Variants in THSD4 observed in about 807,000 individuals in gnomAD.
THSD4 encodes thrombospondin type-1 domain-containing protein 4.
THSD4 carries 69 observed loss-of-function variants against 119.0 expected under a neutral mutation model. That is an observed-to-expected ratio of 0.58 (90% CI 0.48 to 0.71). THSD4 has a LOEUF of 0.71. Among genes scored for constraint, THSD4 ranks in the 30% least tolerant of loss-of-function variants. The probability of loss-of-function intolerance (pLI) is 0.00; values close to 1 mark genes in which losing one functional copy is unlikely to be tolerated. For synonymous variants in THSD4, 524 were observed against 540.4 expected (o/e 0.97, Z 0.42); for missense variants, 1,393 against 1,391.1 (o/e 1.00, Z -0.02).
intron 8 of THSD4, among the ~76,000 whole-genome samples, chr15:71,663,004 T>C (rs1039309481): frequency 6.6e-6 from 1 of 152,100 alleles, no homozygotes; most frequent in African/African-American, 2.4e-5. Flanking sequence ...AGCCCAGCGC[T>C]GTGGGAGGCC....
intron 7 of THSD4, among the ~76,000 whole-genome samples, chr15:71,434,707 A>T (rs997017991): frequency 1.3e-5 from 2 of 152,126 alleles, no homozygotes; most frequent in African/African-American, 4.8e-5. Flanking sequence ...AAGAGAACGG[A>T]GAAGCTTAAA....
chr15:71,138,571 C>A (rs1455664496), intron 1 of THSD4, among the ~76,000 whole-genome samples: 5 of 152,126 alleles, frequency 3.3e-5, no homozygotes, highest in Admixed American at 3.3e-4. Context: ...ACAGTCAGCT[C>A]TTCCCACCTT....
intron 8 of THSD4, among the ~76,000 whole-genome samples, chr15:71,708,715 T>G (rs1295689651): frequency 1.3e-5 from 2 of 152,176 alleles, no homozygotes; most frequent in Non-Finnish European, 2.9e-5. Flanking sequence ...TGGTGTTTTG[T>G]TTAGTTTGGT....
At chr15:71,201,575 T>G (rs2043803875) in intron 3 of THSD4, among the ~76,000 whole-genome samples, 1 of 152,250 alleles carries the variant, frequency 6.6e-6, no homozygotes, top group East Asian at 1.9e-4. Flanking sequence ...ATAGCTGTGG[T>G]TTTTAATACA....
intron 6 of THSD4, among the ~76,000 whole-genome samples, chr15:71,325,534 A>G (rs530393673): frequency 2.2e-3 from 328 of 152,312 alleles, no homozygotes; most frequent in African/African-American, 7.3e-3. Flanking sequence ...ATGTCCAGCT[A>G]ATGTTCTAAG....
At chr15:71,360,286 C>A (rs2045875941) in intron 6 of THSD4, among the ~76,000 whole-genome samples, 1 of 152,170 alleles carries the variant, frequency 6.6e-6, no homozygotes, top group Admixed American at 6.5e-5. Flanking sequence ...TCTAAAAGAT[C>A]CAGTTGGAAG....
intron 7 of THSD4, among the ~76,000 whole-genome samples, chr15:71,603,062 C>T (rs769319375): frequency 3.3e-5 from 5 of 152,304 alleles, no homozygotes; most frequent in African/African-American, 1.2e-4. Flanking sequence ...GAGGGCTTAG[C>T]GGTGAGGTTG....
At chr15:71,290,715 C>T (rs1286833624) in intron 6 of THSD4, among the ~76,000 whole-genome samples, 1 of 152,152 alleles carries the variant, frequency 6.6e-6, no homozygotes, top group Non-Finnish European at 1.5e-5. Flanking sequence ...CCATAAGACA[C>T]TCAACTGGAT....
intron 1 of THSD4, among the ~76,000 whole-genome samples, chr15:71,134,863 C>A (rs928416267): frequency 3.3e-5 from 5 of 151,942 alleles, no homozygotes; most frequent in African/African-American, 9.7e-5. Flanking sequence ...CATCCCATTA[C>A]TGGGTATATA....
intron 6 of THSD4, among the ~76,000 whole-genome samples, chr15:71,310,485 A>C (rs769953551): frequency 6.6e-6 from 1 of 152,218 alleles, no homozygotes; most frequent in Non-Finnish European, 1.5e-5. Context: ...TAGGTTCAAC[A>C]AAGTATGGAC....
chr15:71,150,057 G>A lies in THSD4; in HGVS notation c.30-4806G>A, dbSNP rs567333118. ...ACTGCAAGGTGAATCGGAAAGTCTTGGTAGGAATGTAGCTTCCCCCACGCC... is the reference window on the plus strand; with the variant it reads ...ACTGCAAGGTGAATCGGAAAGTCTTAGTAGGAATGTAGCTTCCCCCACGCC... On this transcript the variant is annotated intron_variant, in intron 2 of 17. Transcript: ENST00000261862. Among the ~76,000 whole-genome samples the A allele has an allele frequency of 2.0e-5, 3 of 152,108 alleles. No individual in the cohort carries two copies. The South Asian group carries it at 6.2e-4, about 32-fold the overall frequency.
At chr15:71,410,300 A>G (rs528105102) in intron 6 of THSD4, among the ~76,000 whole-genome samples, 1 of 152,326 alleles carries the variant, frequency 6.6e-6, no homozygotes, top group Non-Finnish European at 1.5e-5. Flanking sequence ...TCGCAAAACC[A>G]CACTGCAATA....
At chr15:71,426,866 T>A (rs1488337338) in intron 7 of THSD4, among the ~76,000 whole-genome samples, 1 of 152,204 alleles carries the variant, frequency 6.6e-6, no homozygotes. Flanking sequence ...GCTTAACAGA[T>A]TAAAATTATT....
chr15:71,741,689 AC>A (rs2053238817), intron 11 of THSD4, among the ~76,000 whole-genome samples: 2 of 5,476 alleles, frequency 3.7e-4, no homozygotes, highest in East Asian at 0.05. Flanking sequence ...GCATGTACAC[AC>A]ACACACACAC....
intron 8 of THSD4, among the ~76,000 whole-genome samples, chr15:71,685,482 T>C (rs1277512689): frequency 1.3e-5 from 2 of 152,184 alleles, no homozygotes; most frequent in Admixed American, 1.3e-4. Context: ...TTAAAGTAAC[T>C]ATTTCCCAGA....
chr15:71,228,921 C>A (rs374892869), intron 4 of THSD4, among the ~76,000 whole-genome samples: 31 of 152,320 alleles, frequency 2.0e-4, no homozygotes, highest in African/African-American at 5.3e-4. Flanking sequence ...TAAAATTGCC[C>A]TTTTCCTCAG....
intron 7 of THSD4, among the ~76,000 whole-genome samples, chr15:71,453,407 T>C (rs2047293602): frequency 6.6e-6 from 1 of 152,242 alleles, no homozygotes; most frequent in African/African-American, 2.4e-5. Context: ...GGAACTGATC[T>C]GTCATCTCCT....
intron 11 of THSD4, among the ~76,000 whole-genome samples, chr15:71,739,098 G>GAAA (rs34273398): frequency 2.8e-5 from 3 of 106,538 alleles, no homozygotes; most frequent in Non-Finnish European, 6.2e-5. Flanking sequence ...CAGGATTTCA[G>GAAA]AAAAAAAAAA....
At chr15:71,460,256 T>TA (rs1309580281) in intron 7 of THSD4, among the ~76,000 whole-genome samples, 1 of 149,084 alleles carries the variant, frequency 6.7e-6, no homozygotes, top group Non-Finnish European at 1.5e-5. Context: ...CCAGCATTCA[T>TA]AAAAATATAG....
Sources: gnomAD v4.1 joint callset for allele counts (sites outside exome capture counted in the v4.1 genomes callset) on GRCh38, gnomAD v4.1.1 for gene constraint, MANE v1.5 for transcripts, NCBI Gene and HGNC (gene_info 2026-07-23, HGNC 2026-07-21) for gene names.